Variants in CHD5 observed in about 807,000 individuals in gnomAD.
The protein encoded by CHD5 is ATP-dependent chromatin remodeler CHD5.
CHD5 carries 69 observed loss-of-function variants against 230.3 expected under a neutral mutation model. The observed-to-expected ratio is 0.30, with a 90% CI of 0.25 to 0.37. The LOEUF is 0.37. Among genes scored for constraint, CHD5 ranks in the 10% least tolerant of loss-of-function variants. CHD5 has a pLI of 1.00. For synonymous variants in CHD5, 1,064 were observed against 1,065.9 expected (o/e 1.00, Z 0.03); for missense variants, 1,827 against 2,622.8 (o/e 0.70, Z 6.63).
At position 6,125,467 on chromosome 1, in the gene CHD5, C is replaced by A. The variant is rs1666540686; in HGVS notation, c.4260+57G>T. On this transcript the variant is annotated intron_variant, in intron 28 of 41. Transcript: ENST00000262450. The surrounding 1 kb of genome is among the most constrained non-coding windows in gnomAD (Gnocchi z 6.7). Reference sequence around the variant, plus strand: ...GGCAGTCCCCCAGCCCTCCTCCATACCCCAGGGGCAGCAGGAAGCAGGGGC... The same window carrying A: ...GGCAGTCCCCCAGCCCTCCTCCATAACCCAGGGGCAGCAGGAAGCAGGGGC... The A allele has an allele frequency of 6.6e-7, 1 of 1,520,884 alleles. No homozygotes were observed. Among genetic ancestry groups the A allele is most frequent in the Admixed American group, 2.0e-5 (1 of 50,836 alleles). The allele number at this position is 1,520,884 out of a possible 1,614,324, so 94.2% of individuals were successfully genotyped here. A position where few individuals can be genotyped will look rare whatever the true frequency, so the allele number is the denominator to read the frequency against.
chr1:6,161,061 C>T (rs138707311), intron 2 of CHD5, among the ~76,000 whole-genome samples: 168 of 151,972 alleles, frequency 1.1e-3, no homozygotes, highest in African/African-American at 3.7e-3. Flanking sequence ...AAGACAGAAC[C>T]GGAGAGATAA....
At position 6,180,014 on chromosome 1, in the gene CHD5, GGCCCC is replaced by G. The variant is rs1667490095; in HGVS notation, c.5_9del (p.Arg2ProfsTer19). The G allele has an allele frequency of 7.3e-7, 1 of 1,364,212 alleles. No homozygotes were observed. Among genetic ancestry groups the G allele is most frequent in the Non-Finnish European group, 9.6e-7 (1 of 1,045,324 alleles). 84.5% of individuals were successfully genotyped at this position (1,364,212 alleles called of 1,614,324 possible). The stretch of plus-strand genomic sequence containing the variant: ...GGCAGCTCCTCCTCGGTGCCCACTG[GGCCCC>G]GCATGCCCGGCGCGGGGAGGAGGGG... On this transcript the variant is annotated frameshift_variant, in exon 1 of 42. Transcript: ENST00000262450. LOFTEE classifies it high-confidence loss of function.
At chr1:6,143,781 C>T (rs1323355366) in intron 13 of CHD5, 42 bp downstream of exon 13, 2 of 1,545,924 alleles carry the variant, frequency 1.3e-6, no homozygotes, top group Admixed American at 1.7e-5. Flanking sequence ...GTGGGCAGGC[C>T]CTGGCAACCC....
Position 6,148,945 on chromosome 1 carries a change from C to A in CHD5, c.1292G>T (p.Cys431Phe). 1 of 1,600,594 alleles carries A rather than the reference C, an allele frequency of 6.2e-7. No individual in the cohort carries two copies. The highest frequency in any genetic ancestry group is 8.5e-7 in the Non-Finnish European group (1 of 1,173,880). Residue 431 changes from cysteine to phenylalanine, a missense_variant, in exon 9 of 42, where the codon TGC becomes TTC. Coordinates refer to ENST00000262450, the MANE Select transcript of CHD5 (RefSeq NM_015557.3). ...GTGGTAGGAGGAGGGGCAGGCGTCG[C>A]AGCAGAGCAGCTCGCCCCCGTCCTT... ...VCKDGGELLC[C>F]DACPSSYHLH...
rs560129253 is a variant in CHD5 at position 6,106,284 on chromosome 1, A to G, written c.5861T>C (p.Ile1954Thr). 7 of 1,612,808 alleles carry G rather than the reference A, an allele frequency of 4.3e-6. No individual in the cohort carries two copies. The highest frequency in any genetic ancestry group is 1.3e-5 in the African/African-American group (1 of 75,070). ...ACAGGGAAGTCTCGAGGACGGCTAGATATCTGTCAAAAAAAGAGGAGAGCC... is the reference window on the plus strand; with the variant it reads ...ACAGGGAAGTCTCGAGGACGGCTAGGTATCTGTCAAAAAAAGAGGAGAGCC... ...QMPLGPYVTD[I>T] is the part of the protein sequence containing the mutation. Residue 1954 changes from isoleucine to threonine, a missense_variant, in exon 41 of 42, where the codon ATC (isoleucine) becomes ACC (threonine). Around this residue, in one of 14 missense-constraint regions of CHD5, gnomAD observed 208 missense variants for 302.0 expected, o/e 0.69. Transcript: ENST00000262450.
intron 36 of CHD5, 45 bp from the exon 37 acceptor site, chr1:6,110,571 T>C: frequency 1.7e-6 from 2 of 1,205,032 alleles, no homozygotes; most frequent in Non-Finnish European, 2.1e-6. Flanking sequence ...TTAGAAGTGG[T>C]GGGGCCGTAG....
chr1:6,118,728 G>A (rs541157045), intron 33 of CHD5, among the ~76,000 whole-genome samples: 10 of 151,304 alleles, frequency 6.6e-5, no homozygotes, highest in South Asian at 4.2e-4. Context: ...ACAGAATTTC[G>A]ATCTTGTTGC....
At chr1:6,107,104 G>C (rs1197073074) in intron 38 of CHD5, among the ~76,000 whole-genome samples, 1 of 145,994 alleles carries the variant, frequency 6.8e-6, no homozygotes, top group Non-Finnish European at 1.5e-5. Context: ...ACGAATGGAG[G>C]GGTGGAAGGA....
Position 6,151,077 on chromosome 1 carries a change from C to A in CHD5, c.949G>T (p.Ala317Ser). 1 of 1,607,250 alleles carries A rather than the reference C, an allele frequency of 6.2e-7. No individual in the cohort carries two copies. Among genetic ancestry groups the A allele is most frequent in the Non-Finnish European group, 8.5e-7 (1 of 1,176,246 alleles). ...HSASVRSECSAALGKKSKRRR... is the reference protein window; with the variant it reads ...HSASVRSECSSALGKKSKRRR... ...CTCTTGCTCTTCTTGCCCAGGGCTG[C>A]AGAGCATTCGGAGCGCACGGAGGCA... Residue 317 changes from alanine (A) to serine (S), a missense_variant, in exon 7 of 42, where the codon GCA becomes TCA. By Grantham distance (99) the Ala-to-Ser change is moderately conservative. Coordinates refer to ENST00000262450, the MANE Select transcript of CHD5 (RefSeq NM_015557.3).
Position 6,121,192 on chromosome 1 carries a change from C to G in CHD5, c.4825G>C (p.Glu1609Gln). 6.2e-7 allele frequency: 1 copy of G among 1,613,974 alleles called. No homozygotes were observed. Among genetic ancestry groups the G allele is most frequent in the Non-Finnish European group, 8.5e-7 (1 of 1,179,950 alleles). Residue 1609 changes from glutamate to glutamine, a missense_variant, in exon 33 of 42, where the codon GAG (glutamate) becomes CAG (glutamine). Glu to Gln is a conservative substitution (Grantham distance 29). Around this residue, in one of 14 missense-constraint regions of CHD5, gnomAD observed 272 missense variants for 263.2 expected, o/e 1.03. Coordinates refer to ENST00000262450, the MANE Select transcript of CHD5 (RefSeq NM_015557.3). This position sits in a 1 kb window ranked among gnomAD's most constrained non-coding sequence, Gnocchi z 4.5. ...GCTCTCTCCTTGCTGGCTGGGCTCT[C>G]GTGCTTGTCCTCACTCTCCACTCTA... is the stretch of plus-strand genomic sequence containing the variant. Reference protein sequence around the residue: ...LDRVESEDKHESPASKERARE... With the variant: ...LDRVESEDKHQSPASKERARE...
At chr1:6,150,243 G>A (rs1053450755) in intron 7 of CHD5, among the ~76,000 whole-genome samples, 1 of 149,134 alleles carries the variant, frequency 6.7e-6, no homozygotes, top group Non-Finnish European at 1.5e-5. Flanking sequence ...ACAAATGAAT[G>A]GATAACGGAT....
chr1:6,146,893 C>A lies in CHD5; in HGVS notation c.1384-22G>T. 1.4e-6 allele frequency: 2 copies of A among 1,465,326 alleles called. No individual in the cohort carries two copies. Among genetic ancestry groups the A allele is most frequent in the East Asian group, 2.4e-5 (1 of 41,540 alleles). The allele number at this position is 1,465,326 out of a possible 1,614,324, so 90.8% of individuals were successfully genotyped here. A position where few individuals can be genotyped will look rare whatever the true frequency, so the allele number is the denominator to read the frequency against. On this transcript the variant is annotated intron_variant, in intron 9 of 41. Transcript: ENST00000262450. The surrounding 1 kb of genome is among the most constrained non-coding windows in gnomAD (Gnocchi z 5.1). Reference sequence around the variant, plus strand: ...GGCACTGTGGACAGAGAAGGGTCCCCAAGGTGGGGCTCAGCTGCAGGGCCC... The same window carrying A: ...GGCACTGTGGACAGAGAAGGGTCCCAAAGGTGGGGCTCAGCTGCAGGGCCC...
chr1:6,162,218 C>T (rs377720865), intron 2 of CHD5, among the ~76,000 whole-genome samples: 53 of 151,588 alleles, frequency 3.5e-4, no homozygotes, highest in African/African-American at 1.1e-3. Flanking sequence ...ACTTTCTCTA[C>T]TGAAAAAAAA....
At chr1:6,164,522 T>TC (rs1305025258) in intron 2 of CHD5, among the ~76,000 whole-genome samples, 1 of 152,012 alleles carries the variant, frequency 6.6e-6, no homozygotes, top group Non-Finnish European at 1.5e-5. Flanking sequence ...GCTGCCGGCC[T>TC]CCCCCCACTA....
intron 7 of CHD5, among the ~76,000 whole-genome samples, chr1:6,150,193 G>A (rs539502861): frequency 1.9e-4 from 24 of 124,994 alleles, no homozygotes; most frequent in African/African-American, 8.8e-4. Flanking sequence ...TGGACAGAGT[G>A]GTAGATGGAT....
At chr1:6,107,420 G>T (rs1666200720) in intron 38 of CHD5, among the ~76,000 whole-genome samples, 2 of 142,106 alleles carry the variant, frequency 1.4e-5, no homozygotes, top group Non-Finnish European at 3.1e-5. Context: ...TGGAGGGATG[G>T]AGGGATGATG....
At chr1:6,137,232 C>T (rs1043748089) in intron 15 of CHD5, among the ~76,000 whole-genome samples, 1 of 152,144 alleles carries the variant, frequency 6.6e-6, no homozygotes. Context: ...CTCAGCCTCC[C>T]GAGTAGCTGG....
rs144786990 is a variant in CHD5, at chr1:6,174,409, G to A, written c.79+5536C>T. On this transcript the variant is annotated intron_variant, in intron 1 of 41. Transcript: ENST00000262450. ...ATAGTGAATGGATGGATGGTGGATA[G>A]GTGGATGGATGAATGCATGGTGGAT... Among the ~76,000 whole-genome samples, 81 of 152,202 alleles carry A rather than the reference G, an allele frequency of 5.3e-4. No homozygotes were observed. In the Middle Eastern group the frequency reaches 0.014, roughly 26 times the overall value.
chr1:6,165,925 C>T (rs1235783190), intron 2 of CHD5, among the ~76,000 whole-genome samples: 8 of 152,010 alleles, frequency 5.3e-5, no homozygotes, highest in Non-Finnish European at 7.4e-5. Flanking sequence ...ATGCAAGAGC[C>T]GCAGAGTGCA....
Sources: gnomAD v4.1 joint callset for allele counts (sites outside exome capture counted in the v4.1 genomes callset) on GRCh38, gnomAD v4.1.1 for gene constraint, gnomAD v4.1.1 regional missense constraint, Gnocchi (gnomAD v3.1) non-coding constraint, MANE v1.5 for transcripts, NCBI Gene and HGNC (gene_info 2026-07-23, HGNC 2026-07-21) for gene names.